ABCB9: variants seen among roughly 807,000 people sequenced by gnomAD.
The protein encoded by ABCB9 is ATP binding cassette subfamily B member 9, also known as ABC-type oligopeptide transporter ABCB9.
ABCB9 carries 36 observed loss-of-function variants against 62.0 expected under a neutral mutation model. The ratio of observed to expected loss-of-function variants is 0.58; its 90% confidence interval spans 0.45 to 0.77. The LOEUF is 0.77. Among genes scored for constraint, ABCB9 ranks in the 30% least tolerant of loss-of-function variants. The probability of loss-of-function intolerance (pLI) is 0.00; values close to 1 mark genes in which losing one functional copy is unlikely to be tolerated. For synonymous variants in ABCB9, 435 were observed against 461.4 expected (o/e 0.94, Z 0.73); for missense variants, 943 against 1,054.7 (o/e 0.89, Z 1.47).
In ABCB9 at chr12:122,959,981, GAC is replaced by G; in HGVS notation, c.253_254del (p.Val85HisfsTer71). ...CCACGAAGAGGCACACGAGGGTGAT[GAC>G]CAGCCACGAGGCCCGCAGCCGCCGG... ...GPRRLRASWLVITLVCLFVGI... is the reference protein window; with the variant it reads ...GPRRLRASWLXITLVCLFVGI... On this transcript the variant is annotated frameshift_variant, in exon 2 of 12. Coordinates refer to ENST00000280560, the MANE Select transcript of ABCB9 (RefSeq NM_019625.4). LOFTEE classifies it high-confidence loss of function. The surrounding 1 kb of genome is among the most constrained non-coding windows in gnomAD (Gnocchi z 5.4). The G allele has an allele frequency of 6.2e-7, 1 of 1,613,178 alleles. No individual in the cohort carries two copies. The highest frequency in any genetic ancestry group is 8.5e-7 in the Non-Finnish European group (1 of 1,180,000).
intron 1 of ABCB9, among the ~76,000 whole-genome samples, chr12:122,972,037 C>CTTTTTTTTTTTTTT (rs57112984): frequency 5.0e-5 from 5 of 99,272 alleles, no homozygotes; most frequent in Admixed American, 1.3e-4. Flanking sequence ...TTCATAATGT[C>CTTTTTTTTTTTTTT]TTTTTTTTTT....
chr12:122,960,231 C>G lies in ABCB9; in HGVS notation c.5G>C (p.Arg2Pro). The G allele has an allele frequency of 6.2e-7, 1 of 1,610,540 alleles. No homozygotes were observed. Among genetic ancestry groups the G allele is most frequent in the African/African-American group, 1.3e-5 (1 of 75,018 alleles). The change falls in exon 2 of 12, where the codon CGG becomes CCG. Residue 2 changes from arginine to proline, a missense_variant. Coordinates refer to ENST00000280560, the MANE Select transcript of ABCB9 (RefSeq NM_019625.4). ...AGTCACCACCACCGCCTTCCACAGC[C>G]GCATCCTGCTGGTTGGAGGTGGGCG... M[R>P]LWKAVVVTLA...
chr12:122,956,567 C>T (rs1414787057), intron 2 of ABCB9, among the ~76,000 whole-genome samples: 27 of 152,226 alleles, frequency 1.8e-4, no homozygotes, highest in Admixed American at 1.8e-3. Flanking sequence ...GTCACTCAGG[C>T]TGGAGTGCAG....
chr12:122,929,032 T>C lies in ABCB9; in HGVS notation c.*879A>G, dbSNP rs2034995249. The C allele has an allele frequency of 1.0e-6, 1 of 985,888 alleles. No individual in the cohort carries two copies. The highest frequency in any genetic ancestry group is 1.7e-5 in the African/African-American group (1 of 57,332). 61.1% of individuals were successfully genotyped at this position (985,888 alleles called of 1,614,324 possible). A position where few individuals can be genotyped will look rare whatever the true frequency, so the allele number is the denominator to read the frequency against. ...AGTACACTTTATTGACCGGGTTCTC[T>C]CAACATGTTGCAACCTCTGGCAAAG... is the stretch of plus-strand genomic sequence containing the variant. On this transcript the variant is annotated 3_prime_UTR_variant, in exon 12 of 12. Transcript: ENST00000280560. This position sits in a 1 kb window ranked among gnomAD's most constrained non-coding sequence, Gnocchi z 6.0.
Position 122,947,943 on chromosome 12 carries a change from T to C in ABCB9, c.1053+681A>G, listed in dbSNP as rs550085587. ...GACCTATTTAACTTGTATTTATTCA[T>C]TCATTTTAGAGACAGGGTCTTGCTG... On this transcript the variant is annotated intron_variant, in intron 5 of 11. Coordinates refer to ENST00000280560, the MANE Select transcript of ABCB9 (RefSeq NM_019625.4). The surrounding 1 kb of genome is among the most constrained non-coding windows in gnomAD (Gnocchi z 6.0). The C allele has an allele frequency of 1.3e-5, 2 of 153,556 alleles. No homozygotes were observed. The highest frequency in any genetic ancestry group is 1.9e-4 in the East Asian group (1 of 5,198). 9.5% of individuals were successfully genotyped at this position (153,556 alleles called of 1,614,324 possible).
chr12:122,921,712 G>A (rs1216363566), intron 11 of ABCB9, among the ~76,000 whole-genome samples: 1 of 152,162 alleles, frequency 6.6e-6, no homozygotes, highest in African/African-American at 2.4e-5. Flanking sequence ...GGGAGGCGGG[G>A]TTTGCAGTGA....
chr12:122,969,381 C>T (rs2037245657), upstream of ABCB9, among the ~76,000 whole-genome samples: 2 of 152,212 alleles, frequency 1.3e-5, no homozygotes, highest in Admixed American at 6.5e-5. Flanking sequence ...TGTGAATATA[C>T]TAAAAACTCT....
chr12:122,941,466 G>A (rs1368098910), intron 7 of ABCB9, among the ~76,000 whole-genome samples: 4 of 151,644 alleles, frequency 2.6e-5, no homozygotes, highest in East Asian at 3.9e-4. Flanking sequence ...TCGCCACCAC[G>A]CCCAGATAAT....
At chr12:122,965,720 G>C (rs1384160246) in intron 1 of ABCB9, among the ~76,000 whole-genome samples, 1 of 151,956 alleles carries the variant, frequency 6.6e-6, no homozygotes, top group African/African-American at 2.4e-5. Context: ...GTCAGGCCGG[G>C]GGAGGAGGCT....
Position 122,940,307 on chromosome 12 carries a change from G to A in ABCB9, c.1570-23C>T. Reference sequence around the variant, plus strand: ...ATTCTGCAAAGAACACACAGGCACAGTGCGGGGTTATCGGCTCAGGTCCCA... The same window carrying A: ...ATTCTGCAAAGAACACACAGGCACAATGCGGGGTTATCGGCTCAGGTCCCA... On this transcript the variant is annotated intron_variant, in intron 8 of 11. Coordinates refer to ENST00000280560, the MANE Select transcript of ABCB9 (RefSeq NM_019625.4). The surrounding 1 kb of genome is among the most constrained non-coding windows in gnomAD (Gnocchi z 4.8). The A allele has an allele frequency of 1.9e-6, 3 of 1,546,374 alleles. No individual in the cohort carries two copies. The highest frequency in any genetic ancestry group is 2.6e-6 in the Non-Finnish European group (3 of 1,143,648).
At chr12:122,931,896 G>A (rs912896332) in intron 11 of ABCB9, 48 of 438,866 alleles carry the variant, frequency 1.1e-4, no homozygotes, top group African/African-American at 7.6e-4. Context: ...CACCTGCTTC[G>A]GCCTCCCAAA....
chr12:122,929,885 C>A lies in ABCB9; in HGVS notation c.*26G>T. ...CCAGGCAGGCACCGGGTCCTCTGCC[C>A]CACCGGGAGAAGCAGGGGCCCCCCA... On this transcript the variant is annotated 3_prime_UTR_variant, in exon 12 of 12. Coordinates refer to ENST00000280560, the MANE Select transcript of ABCB9 (RefSeq NM_019625.4). The surrounding 1 kb of genome is among the most constrained non-coding windows in gnomAD (Gnocchi z 6.0). The A allele has an allele frequency of 1.3e-6, 2 of 1,512,564 alleles. No homozygotes were observed. Among genetic ancestry groups the A allele is most frequent in the Non-Finnish European group, 1.8e-6 (2 of 1,131,206 alleles). The allele number at this position is 1,512,564 out of a possible 1,614,324, so 93.7% of individuals were successfully genotyped here.
In ABCB9 at chr12:122,959,971, C is replaced by T. The variant is rs756858128; in HGVS notation, c.265G>A (p.Val89Met). 50 of 1,613,084 alleles carry T rather than the reference C, an allele frequency of 3.1e-5. No homozygotes were observed. The highest frequency in any genetic ancestry group is 3.7e-5 in the Non-Finnish European group (44 of 1,179,998). ...LRASWLVITL[V>M]CLFVGIYAMV... ...GCATAGATGCCCACGAAGAGGCACA[C>T]GAGGGTGATGACCAGCCACGAGGCC... Residue 89 changes from valine (V) to methionine (M), a missense_variant, in exon 2 of 12, where the codon GTG becomes ATG. Transcript: ENST00000280560. The surrounding 1 kb of genome is among the most constrained non-coding windows in gnomAD (Gnocchi z 5.4).
At chr12:122,939,007 A>G (rs1008492068) in intron 9 of ABCB9, among the ~76,000 whole-genome samples, 3 of 152,054 alleles carry the variant, frequency 2.0e-5, no homozygotes, top group Non-Finnish European at 2.9e-5. Flanking sequence ...CCCTGTCTGT[A>G]CTAAAAATAC....
intron 1 of ABCB9, among the ~76,000 whole-genome samples, 154 bp from the exon 2 acceptor site, chr12:122,960,476 T>C (rs904639857): frequency 6.6e-6 from 1 of 152,170 alleles, no homozygotes; most frequent in Non-Finnish European, 1.5e-5. Flanking sequence ...ATTCCACTCA[T>C]TCAAGGGATA....
At chr12:122,920,161 A>G (rs1361047878), downstream of ABCB9, among the ~76,000 whole-genome samples, 1 of 152,042 alleles carries the variant, frequency 6.6e-6, no homozygotes, top group Admixed American at 6.6e-5. Context: ...GATTACAGGC[A>G]TGAGCCACCA....
Position 122,949,891 on chromosome 12 carries a change from G to T in ABCB9, c.744C>A (p.Gly248=). 6.2e-7 allele frequency: 1 copy of T among 1,614,174 alleles called. No homozygotes were observed. Among genetic ancestry groups the T allele is most frequent in the Non-Finnish European group, 8.5e-7 (1 of 1,180,000 alleles). The change falls in exon 4 of 12, where the codon GGC becomes GGA. Residue 248 remains glycine, a synonymous_variant. Coordinates refer to ENST00000280560, the MANE Select transcript of ABCB9 (RefSeq NM_019625.4). ...GSSFAAGIRG[G]IFTLIFARLN... ...GTCTGGCAAATATGAGGGTAAAAAT[G>T]CCGCCCCGAATACCTGCGGCAAATG...
At chr12:122,960,721 A>C (rs1440726088) in intron 1 of ABCB9, among the ~76,000 whole-genome samples, 1 of 151,794 alleles carries the variant, frequency 6.6e-6, no homozygotes, top group Non-Finnish European at 1.5e-5. Context: ...TCTACTAAAA[A>C]TACAAAATTT....
At chr12:122,956,117 G>A (rs1479501532) in intron 2 of ABCB9, among the ~76,000 whole-genome samples, 4 of 152,150 alleles carry the variant, frequency 2.6e-5, no homozygotes, top group Non-Finnish European at 4.4e-5. Flanking sequence ...CTTTTGGGCC[G>A]CCCAGCATGA....
Sources: allele counts gnomAD v4.1 joint callset (sites outside exome capture counted in the v4.1 genomes callset), GRCh38; gene constraint gnomAD v4.1.1; non-coding constraint Gnocchi (gnomAD v3.1); transcripts MANE v1.5; gene names NCBI Gene and HGNC (gene_info 2026-07-23, HGNC 2026-07-21).